The following PCDH7 variants were observed in gnomAD, a reference collection of about 807,000 sequenced individuals.
PCDH7 encodes the protein protocadherin-7.
In PCDH7, 17 loss-of-function variants were observed where a neutral mutation model predicts 58.9. The observed-to-expected ratio is 0.29, with a 90% CI of 0.20 to 0.43. The LOEUF is 0.43. Ranked by LOEUF, PCDH7 falls within the 20% of genes least tolerant of loss-of-function variation. The pLI, the probability that PCDH7 is intolerant of heterozygous loss-of-function variation, is 1.00. For missense variants in PCDH7, 1,274 were observed against 1,441.0 expected (o/e 0.88, Z 1.88); for synonymous variants, 664 against 616.4 (o/e 1.08, Z -1.14).
At chr4:30,900,300 T>C (rs1356899967) in intron 1 of PCDH7, among the ~76,000 whole-genome samples, 2 of 152,298 alleles carry the variant, frequency 1.3e-5, no homozygotes, top group Non-Finnish European at 2.9e-5. Context: ...TACATTTTTT[T>C]AAATTGCTGT....
intron 1 of PCDH7, among the ~76,000 whole-genome samples, chr4:30,833,790 A>G (rs1324429233): frequency 1.3e-5 from 2 of 152,244 alleles, no homozygotes; most frequent in Non-Finnish European, 2.9e-5. Context: ...TACATGCACT[A>G]TGTGCCATGA....
At chr4:30,761,413 T>C (rs1720000525) in intron 1 of PCDH7, among the ~76,000 whole-genome samples, 1 of 152,188 alleles carries the variant, frequency 6.6e-6, no homozygotes, top group South Asian at 2.1e-4. Context: ...TTATGATTAT[T>C]TTTAAAAGAT....
intron 3 of PCDH7, among the ~76,000 whole-genome samples, chr4:31,134,053 C>A (rs772084105): frequency 6.6e-6 from 1 of 152,170 alleles, no homozygotes; most frequent in Non-Finnish European, 1.5e-5. Flanking sequence ...TAGATAGTAG[C>A]TCTCTACTTG....
intron 3 of PCDH7, among the ~76,000 whole-genome samples, chr4:31,128,632 A>G (rs373749792): frequency 1.3e-5 from 2 of 152,212 alleles, no homozygotes; most frequent in Non-Finnish European, 2.9e-5. Context: ...GCTATTATCC[A>G]TAAGCAAAGA....
At chr4:30,959,632 C>A (rs1051584312) in intron 3 of PCDH7, among the ~76,000 whole-genome samples, 2 of 152,098 alleles carry the variant, frequency 1.3e-5, no homozygotes, top group African/African-American at 2.4e-5. Context: ...CTTCCAGAAG[C>A]CTGATGGCAT....
intron 1 of PCDH7, among the ~76,000 whole-genome samples, chr4:30,780,510 G>GAA (rs570945808): frequency 9.3e-5 from 10 of 107,162 alleles, no homozygotes; most frequent in African/African-American, 3.1e-4. Context: ...CCGTCGAAAA[G>GAA]AAAAAAAAAA....
chr4:30,813,218 C>T (rs1434591119), intron 1 of PCDH7, among the ~76,000 whole-genome samples: 1 of 152,150 alleles, frequency 6.6e-6, no homozygotes. Flanking sequence ...GGAGATAGAT[C>T]TATTAGCTTT....
intron 1 of PCDH7, among the ~76,000 whole-genome samples, chr4:30,910,042 C>A (rs540905417): frequency 6.6e-6 from 1 of 152,266 alleles, no homozygotes; most frequent in Admixed American, 6.5e-5. Context: ...ACCATCTGAT[C>A]TTTGGCAAGC....
At chr4:30,781,398 C>T (rs547177369) in intron 1 of PCDH7, among the ~76,000 whole-genome samples, 6 of 152,154 alleles carry the variant, frequency 3.9e-5, no homozygotes, top group African/African-American at 1.2e-4. Context: ...CCTCGGCCTC[C>T]CAAAGTGCTG....
At chr4:30,765,701 T>C (rs1261663389) in intron 1 of PCDH7, among the ~76,000 whole-genome samples, 1 of 152,218 alleles carries the variant, frequency 6.6e-6, no homozygotes, top group Non-Finnish European at 1.5e-5. Context: ...AAGTATGCAA[T>C]GTGCCTCTGT....
chr4:30,831,619 G>A (rs945405777), intron 1 of PCDH7, among the ~76,000 whole-genome samples: 1 of 152,002 alleles, frequency 6.6e-6, no homozygotes, highest in African/African-American at 2.4e-5. Flanking sequence ...AAGGAAAGAA[G>A]GACCTCTACT....
intron 1 of PCDH7, among the ~76,000 whole-genome samples, chr4:30,785,450 A>T (rs1359009702): frequency 2.6e-5 from 4 of 152,012 alleles, no homozygotes; most frequent in Non-Finnish European, 5.9e-5. Context: ...AAATATTCCC[A>T]TATATATTAA....
intron 3 of PCDH7, among the ~76,000 whole-genome samples, chr4:31,115,570 T>C (rs1716895144): frequency 2.6e-5 from 4 of 152,270 alleles, no homozygotes; most frequent in Middle Eastern, 3.4e-3. Context: ...TATTCACCAG[T>C]ATGGAAAACA....
intron 3 of PCDH7, among the ~76,000 whole-genome samples, chr4:31,116,981 A>G (rs1420064837): frequency 1.3e-5 from 2 of 152,100 alleles, no homozygotes; most frequent in Non-Finnish European, 2.9e-5. Flanking sequence ...GATTACAGGC[A>G]TGTGCCACCA....
chr4:31,060,592 A>C (rs1415789839), intron 3 of PCDH7, among the ~76,000 whole-genome samples: 2 of 151,792 alleles, frequency 1.3e-5, no homozygotes, highest in Non-Finnish European at 3.0e-5. Context: ...TACTGTCCAT[A>C]TGCCTTAAGT....
chr4:31,143,112 C>CA (rs796939097), downstream of PCDH7: 1,434 of 96,978 alleles, frequency 0.015, 17 homozygotes, highest in Middle Eastern at 0.059. Context: ...CACCCCTCTC[C>CA]AAAAAAAAAA....
intron 1 of PCDH7, among the ~76,000 whole-genome samples, chr4:30,761,464 TC>T: frequency 6.6e-6 from 1 of 152,288 alleles, no homozygotes; most frequent in Middle Eastern, 3.4e-3. Context: ...ACCTCATATA[TC>T]CAGTATACTA....
intron 3 of PCDH7, among the ~76,000 whole-genome samples, chr4:31,030,776 C>T (rs1754840893): frequency 6.6e-6 from 1 of 152,148 alleles, no homozygotes; most frequent in African/African-American, 2.4e-5. Context: ...TAGAACTTGT[C>T]TATACCATTC....
At chr4:31,051,833 T>TTG (rs1187645914) in intron 3 of PCDH7, among the ~76,000 whole-genome samples, 1 of 133,788 alleles carries the variant, frequency 7.5e-6, no homozygotes, top group Admixed American at 7.2e-5. Context: ...TGGGTGTGTG[T>TTG]GGGGGGCGGG....
Sources: gnomAD v4.1 joint callset for allele counts (sites outside exome capture counted in the v4.1 genomes callset) on GRCh38, gnomAD v4.1.1 for gene constraint, MANE v1.5 for transcripts, NCBI Gene and HGNC (gene_info 2026-07-23, HGNC 2026-07-21) for gene names.